The following DIAPH2 variants were observed in gnomAD, a reference collection of about 807,000 sequenced individuals.
DIAPH2 encodes the protein diaphanous related formin 2.
Under a neutral mutation model 92.7 loss-of-function variants are expected in DIAPH2, and 35 were observed. The ratio of observed to expected loss-of-function variants is 0.38; its 90% CI spans 0.29 to 0.50. The LOEUF is 0.50. Ranked by LOEUF, DIAPH2 falls within the 20% of genes least tolerant of loss-of-function variation. The pLI is 0.94. For missense variants in DIAPH2, 701 were observed against 819.5 expected (o/e 0.86, Z 1.77); for synonymous variants, 301 against 280.4 (o/e 1.07, Z -0.73).
chrX:97,504,506 T>C (rs974479820), intron 26 of DIAPH2, among the ~76,000 whole-genome samples: 1 of 112,406 alleles, frequency 8.9e-6, no homozygotes, highest in Non-Finnish European at 1.9e-5. Flanking sequence ...CAAGGGAAGA[T>C]TATAATGTCA....
intron 24 of DIAPH2, among the ~76,000 whole-genome samples, chrX:97,378,683 T>G (rs1252196686): frequency 8.9e-6 from 1 of 112,023 alleles, no homozygotes; most frequent in Non-Finnish European, 1.9e-5. Flanking sequence ...TGCACCGCAG[T>G]CTGGGTGACA....
chrX:96,824,754 G>T (rs1455985319), intron 4 of DIAPH2, among the ~76,000 whole-genome samples: 2 of 110,943 alleles, frequency 1.8e-5, no homozygotes, highest in East Asian at 5.7e-4. Flanking sequence ...TTATGTAAGG[G>T]TTTAAAGTGA....
At chrX:96,805,067 G>A (rs1018624334) in intron 4 of DIAPH2, among the ~76,000 whole-genome samples, 18 of 110,887 alleles carry the variant, frequency 1.6e-4, no homozygotes, top group African/African-American at 5.6e-4. Flanking sequence ...CAACTTATTA[G>A]GGTTTAATAT....
At chrX:97,536,767 A>G (rs1050446836) in intron 26 of DIAPH2, among the ~76,000 whole-genome samples, 5 of 111,719 alleles carry the variant, frequency 4.5e-5, no homozygotes, top group African/African-American at 6.5e-5. Context: ...ACCAAAGAGC[A>G]TGTCATCAGA....
In DIAPH2 at chrX:97,160,575, C is replaced by G. The variant is rs765504570; in HGVS notation, c.2719+18781C>G. 1.8e-3 allele frequency among the ~76,000 whole-genome samples: 200 copies of G among 112,005 alleles called. 1 individual carries two copies. Among genetic ancestry groups the G allele is most frequent in the South Asian group, 0.011 (30 of 2,677 alleles). On this transcript the variant is annotated intron_variant, in intron 22 of 26. Transcript: ENST00000324765. ...CTTTCTCTGGCTGCCCAGTATCCCACTGTATGAAATGTTTAACTTATCACC... is the reference window on the plus strand; with the variant it reads ...CTTTCTCTGGCTGCCCAGTATCCCAGTGTATGAAATGTTTAACTTATCACC...
At chrX:97,412,673 G>A (rs1012151578) in intron 25 of DIAPH2, among the ~76,000 whole-genome samples, 12 of 111,497 alleles carry the variant, frequency 1.1e-4, no homozygotes, top group Admixed American at 3.8e-4. Flanking sequence ...TAATAAAGAA[G>A]AAAAGAGAGA....
intron 17 of DIAPH2, among the ~76,000 whole-genome samples, chrX:97,016,803 A>G (rs1472866664): frequency 5.3e-5 from 6 of 112,403 alleles, no homozygotes; most frequent in African/African-American, 1.9e-4. Flanking sequence ...AAAGTATATC[A>G]TTGCTTACAT....
At chrX:96,775,097 C>A (rs1220630615) in intron 4 of DIAPH2, among the ~76,000 whole-genome samples, 1 of 110,259 alleles carries the variant, frequency 9.1e-6, no homozygotes, top group Non-Finnish European at 1.9e-5. Flanking sequence ...AATTTAGGTC[C>A]CTTGCCTCTT....
chrX:97,025,649 C>G (rs1180566548), intron 17 of DIAPH2, among the ~76,000 whole-genome samples: 9 of 109,692 alleles, frequency 8.2e-5, no homozygotes, highest in Non-Finnish European at 1.7e-4. Context: ...AAGACTCCGT[C>G]TCAAAAACAA....
intron 15 of DIAPH2, among the ~76,000 whole-genome samples, chrX:96,950,378 T>G (rs578189967): frequency 3.6e-5 from 4 of 111,531 alleles, no homozygotes; most frequent in Non-Finnish European, 7.5e-5. Context: ...AACCCAGTTT[T>G]GTGGTTTTGT....
intron 3 of DIAPH2, among the ~76,000 whole-genome samples, chrX:96,753,922 GCCTGCTT>G (rs2064208829): frequency 8.9e-6 from 1 of 112,169 alleles, no homozygotes; most frequent in South Asian, 3.7e-4. Flanking sequence ...CCTATTCGTG[GCCTGCTT>G]CCTCACATAG....
At chrX:97,466,356 A>G (rs977131544) in intron 26 of DIAPH2, among the ~76,000 whole-genome samples, 1 of 111,950 alleles carries the variant, frequency 8.9e-6, no homozygotes, top group Non-Finnish European at 1.9e-5. Context: ...AATCATTCAT[A>G]TTATGTACAG....
intron 4 of DIAPH2, among the ~76,000 whole-genome samples, chrX:96,864,971 G>T (rs1016218764): frequency 8.9e-6 from 1 of 111,741 alleles, no homozygotes; most frequent in Admixed American, 9.6e-5. Flanking sequence ...AATTCATTTT[G>T]TGTTCTTCCA....
intron 4 of DIAPH2, among the ~76,000 whole-genome samples, chrX:96,802,059 T>G (rs1415504229): frequency 8.9e-6 from 1 of 112,112 alleles, no homozygotes; most frequent in African/African-American, 3.2e-5. Context: ...TTCCAGTAAT[T>G]TGACTTGGAA....
rs367920689 is a variant in DIAPH2, at chrX:97,330,085, TTGTG to T, written c.2845-18007_2845-18004del. ...AGAAATAAAAATTTAGATTTGGTGT[TTGTG>T]TGTGTGTGTGTGTGTGTGTGTGTAT... On this transcript the variant is annotated intron_variant, in intron 23 of 26. Coordinates refer to ENST00000324765, the MANE Select transcript of DIAPH2 (RefSeq NM_006729.5). 4.8e-4 allele frequency among the ~76,000 whole-genome samples: 46 copies of T among 94,876 alleles called. No homozygotes were observed. In the South Asian group the frequency reaches 0.023, roughly 48 times the overall value. 82.4% of individuals were successfully genotyped at this position (94,876 alleles called of 115,157 possible). A position where few individuals can be genotyped will look rare whatever the true frequency, so the allele number is the denominator to read the frequency against.
Position 96,788,883 on chromosome X carries a change from A to G in DIAPH2, c.447+30625A>G, listed in dbSNP as rs1209207139. Among the ~76,000 whole-genome samples the G allele has an allele frequency of 1.1e-4, 12 of 112,286 alleles. No individual in the cohort carries two copies. In the Admixed American group the frequency reaches 1.1e-3, roughly 11 times the overall value. ...CAACTCTCCCATTAGATGACAAGCA[A>G]TTTGAGGGGAGCACCCAAGTATTTG... On this transcript the variant is annotated intron_variant, in intron 4 of 26. Coordinates refer to ENST00000324765, the MANE Select transcript of DIAPH2 (RefSeq NM_006729.5).
chrX:97,382,882 T>C (rs145757019), intron 24 of DIAPH2, among the ~76,000 whole-genome samples: 403 of 112,518 alleles, frequency 3.6e-3, no homozygotes, highest in African/African-American at 0.012. Context: ...CGTATTCTCG[T>C]TATTGAGTCT....
chrX:96,778,585 C>G (rs6615861), intron 4 of DIAPH2, among the ~76,000 whole-genome samples: 1 of 110,000 alleles, frequency 9.1e-6, no homozygotes, highest in Non-Finnish European at 1.9e-5. Flanking sequence ...ATATAGAGCC[C>G]GTATTCAAAT....
At chrX:96,745,702 G>A (rs919952016) in intron 3 of DIAPH2, among the ~76,000 whole-genome samples, 3 of 111,823 alleles carry the variant, frequency 2.7e-5, no homozygotes, top group African/African-American at 9.8e-5. Context: ...TGTGAAATGA[G>A]TCCAGTTAAC....
Sources: allele counts gnomAD v4.1 joint callset (sites outside exome capture counted in the v4.1 genomes callset), GRCh38; gene constraint gnomAD v4.1.1; transcripts MANE v1.5; gene names NCBI Gene and HGNC (gene_info 2026-07-23, HGNC 2026-07-21).